Variants in FRMD3 observed in about 807,000 individuals in gnomAD.
The protein encoded by FRMD3 is FERM domain-containing protein 3.
Under a neutral mutation model 70.2 loss-of-function variants are expected in FRMD3, and 33 were observed. The observed-to-expected ratio is 0.47, with a 90% CI of 0.36 to 0.63. The LOEUF is 0.63. FRMD3 is among the 20% of genes least tolerant of loss of function. The pLI, the probability that FRMD3 is intolerant of heterozygous loss-of-function variation, is 0.00. For synonymous variants in FRMD3, 279 were observed against 255.9 expected (o/e 1.09, Z -0.86); for missense variants, 632 against 711.4 (o/e 0.89, Z 1.27).
At chr9:83,307,129 C>G (rs192534556) in intron 10 of FRMD3, among the ~76,000 whole-genome samples, 1 of 152,106 alleles carries the variant, frequency 6.6e-6, no homozygotes, top group East Asian at 1.9e-4. Flanking sequence ...TTTTTAATTC[C>G]CTCATATGCA....
intron 10 of FRMD3, among the ~76,000 whole-genome samples, chr9:83,308,617 A>G (rs1246007425): frequency 6.6e-6 from 1 of 152,202 alleles, no homozygotes; most frequent in African/African-American, 2.4e-5. Flanking sequence ...CTTTCCAGTC[A>G]GCAAGCGTCT....
intron 12 of FRMD3, among the ~76,000 whole-genome samples, chr9:83,294,090 C>T (rs1834560068): frequency 6.6e-6 from 1 of 152,158 alleles, no homozygotes; most frequent in Non-Finnish European, 1.5e-5. Context: ...ACCTAAACTC[C>T]AATGTAATGG....
intron 1 of FRMD3, among the ~76,000 whole-genome samples, chr9:83,425,681 G>A (rs1267649844): frequency 6.6e-6 from 1 of 152,056 alleles, no homozygotes; most frequent in Non-Finnish European, 1.5e-5. Context: ...CGAGGCGGGA[G>A]GATCACTTGA....
intron 1 of FRMD3, among the ~76,000 whole-genome samples, chr9:83,503,600 T>C (rs945013091): frequency 6.6e-6 from 1 of 152,226 alleles, no homozygotes; most frequent in African/African-American, 2.4e-5. Context: ...CCCAGAATCC[T>C]GGTCTAGACA....
chr9:83,489,093 A>C (rs1828757180), intron 1 of FRMD3, among the ~76,000 whole-genome samples: 1 of 152,018 alleles, frequency 6.6e-6, no homozygotes, highest in Non-Finnish European at 1.5e-5. Flanking sequence ...CATATACAAA[A>C]GTGAATTCAA....
rs139953501 is a variant in FRMD3, at chr9:83,260,272, C to T, written c.1196-11756G>A. Among the ~76,000 whole-genome samples the T allele has an allele frequency of 5.4e-3, 828 of 152,242 alleles. 9 individuals carry two copies. The highest frequency in any genetic ancestry group is 0.019 in the African/African-American group (769 of 41,546). On this transcript the variant is annotated intron_variant, in intron 13 of 13. Coordinates refer to ENST00000304195, the MANE Select transcript of FRMD3 (RefSeq NM_174938.6). ...AGTCATGAGAAAAATGAGGCATAGG[C>T]AAGTTAAGGTCACAAAATTAGGAAG...
intron 6 of FRMD3, among the ~76,000 whole-genome samples, chr9:83,331,286 T>C (rs941509921): frequency 6.6e-6 from 1 of 152,210 alleles, no homozygotes; most frequent in Non-Finnish European, 1.5e-5. Context: ...AATGAGCTCT[T>C]AAACCAAGAA....
chr9:83,339,711 A>G (rs959758813), intron 5 of FRMD3, among the ~76,000 whole-genome samples: 2 of 152,072 alleles, frequency 1.3e-5, no homozygotes, highest in African/African-American at 4.8e-5. Flanking sequence ...CCTCCATCTA[A>G]CCAACAACGC....
chr9:83,304,198 C>T (rs1835033964), intron 10 of FRMD3, among the ~76,000 whole-genome samples: 1 of 152,122 alleles, frequency 6.6e-6, no homozygotes, highest in African/African-American at 2.4e-5. Flanking sequence ...GCTATGAACG[C>T]TTGTGCACAA....
Position 83,425,708 on chromosome 9 carries a change from C to A in FRMD3, c.148-36000G>T, listed in dbSNP as rs1826782445. 2.7e-5 allele frequency among the ~76,000 whole-genome samples: 4 copies of A among 148,812 alleles called. No homozygotes were observed. In the South Asian group the frequency reaches 6.5e-4, roughly 24 times the overall value. On this transcript the variant is annotated intron_variant, in intron 1 of 13. Transcript: ENST00000304195. ...ATCACTTGAGGTCAGGAGTTCGAGA[C>A]CAGCCTGGCCAACATGATGAAACCC... is the stretch of plus-strand genomic sequence containing the variant.
chr9:83,264,199 G>T lies in FRMD3; in HGVS notation c.1196-15683C>A, dbSNP rs141843138. Among the ~76,000 whole-genome samples, 400 of 152,324 alleles carry T rather than the reference G, an allele frequency of 2.6e-3. 1 individual carries two copies. Among genetic ancestry groups the T allele is most frequent in the Middle Eastern group, 0.014 (4 of 294 alleles). ...CTTATATGCATATTATTCAGTGAAA[G>T]AAGCCAGTCTGAAAAGACTGCATAT... On this transcript the variant is annotated intron_variant, in intron 13 of 13. Coordinates refer to ENST00000304195, the MANE Select transcript of FRMD3 (RefSeq NM_174938.6).
intron 1 of FRMD3, among the ~76,000 whole-genome samples, chr9:83,400,306 C>T (rs1013523032): frequency 1.3e-5 from 2 of 152,024 alleles, no homozygotes; most frequent in African/African-American, 2.4e-5. Flanking sequence ...ATTAGCACCC[C>T]AAAAAATGAA....
chr9:83,536,398 G>A (rs573904678), intron 1 of FRMD3, among the ~76,000 whole-genome samples: 9 of 152,282 alleles, frequency 5.9e-5, no homozygotes, highest in African/African-American at 1.9e-4. Flanking sequence ...GAAGAGGGCT[G>A]AGAGACAGAG....
the FRMD3 span, among the ~76,000 whole-genome samples, chr9:83,579,178 A>G: frequency 2.6e-5 from 4 of 151,980 alleles, no homozygotes; most frequent in African/African-American, 9.7e-5. Flanking sequence ...AAACAAATGA[A>G]AGATATTCCA....
At chr9:83,560,723 A>G in the FRMD3 span, among the ~76,000 whole-genome samples, 1 of 152,214 alleles carries the variant, frequency 6.6e-6, no homozygotes, top group African/African-American at 2.4e-5. Flanking sequence ...ACTTCTTACC[A>G]ATGAAATATA....
At chr9:83,421,806 A>G (rs990629230) in intron 1 of FRMD3, among the ~76,000 whole-genome samples, 2 of 152,224 alleles carry the variant, frequency 1.3e-5, no homozygotes, top group Non-Finnish European at 1.5e-5. Context: ...GCCTTATCTT[A>G]AATGTAAGGA....
At chr9:83,285,713 C>T (rs976445263) in intron 13 of FRMD3, among the ~76,000 whole-genome samples, 13 of 152,324 alleles carry the variant, frequency 8.5e-5, no homozygotes, top group South Asian at 4.2e-4. Context: ...CACAGAAGCA[C>T]GGTGCTATCT....
intron 1 of FRMD3, among the ~76,000 whole-genome samples, chr9:83,471,045 C>T (rs530173843): frequency 6.6e-6 from 1 of 152,352 alleles, no homozygotes; most frequent in South Asian, 2.1e-4. Flanking sequence ...AAACTGCTCA[C>T]AGCTAACTCT....
chr9:83,503,391 T>A (rs1564107487), intron 1 of FRMD3, among the ~76,000 whole-genome samples: 1 of 152,214 alleles, frequency 6.6e-6, no homozygotes, highest in African/African-American at 2.4e-5. Flanking sequence ...TGATAAGGAC[T>A]GTGGTGACCT....
Sources: gnomAD v4.1 joint callset for allele counts (sites outside exome capture counted in the v4.1 genomes callset) on GRCh38, gnomAD v4.1.1 for gene constraint, MANE v1.5 for transcripts, NCBI Gene and HGNC (gene_info 2026-07-23, HGNC 2026-07-21) for gene names.